The following RFXAP variants were observed in gnomAD, a reference collection of about 807,000 sequenced individuals.
The protein encoded by RFXAP is regulatory factor X-associated protein.
Under a neutral mutation model 25.7 loss-of-function variants are expected in RFXAP, and 21 were observed. That is an observed-to-expected ratio of 0.82 (90% CI 0.58 to 1.18). The LOEUF is 1.18. Ranked by LOEUF, RFXAP falls within the 50% of genes most tolerant of loss-of-function variation. The pLI is 0.00. For synonymous variants in RFXAP, 161 were observed against 152.2 expected, an observed-to-expected ratio of 1.06 and a Z score of -0.43; for missense variants, 333 against 363.0, an observed-to-expected ratio of 0.92 and a Z score of 0.67.
intron 1 of RFXAP, among the ~76,000 whole-genome samples, chr13:36,823,402 G>T (rs914634277): frequency 6.6e-6 from 1 of 152,286 alleles, no homozygotes; most frequent in Admixed American, 6.5e-5. Context: ...GGAAAGATAG[G>T]TTGAAGCCAG....
At chr13:36,821,071 A>G (rs1050331976) in intron 1 of RFXAP, among the ~76,000 whole-genome samples, 1 of 152,032 alleles carries the variant, frequency 6.6e-6, no homozygotes, top group African/African-American at 2.4e-5. Context: ...CAAGCCAGGT[A>G]TGGTGGCAAG....
chr13:36,825,178 T>G (rs946475882), intron 1 of RFXAP, among the ~76,000 whole-genome samples: 9 of 152,150 alleles, frequency 5.9e-5, no homozygotes, highest in Non-Finnish European at 1.0e-4. Context: ...CTATTAATTT[T>G]GAGACCTGCC....
chr13:36,828,301 T>TACA lies in RFXAP; in HGVS notation c.*549_*550insCAA. Reference sequence around the variant, plus strand: ...GGTGCTAACATGTAGTTGGGGCACCTATAATTGGGTTCTCTTAATAACCTT... The same window carrying TACA: ...GGTGCTAACATGTAGTTGGGGCACCTACAATAATTGGGTTCTCTTAATAACCTT... On this transcript the variant is annotated 3_prime_UTR_variant, in exon 3 of 3. Transcript: ENST00000255476. 1 of 153,652 alleles carries TACA rather than the reference T, an allele frequency of 6.5e-6. No homozygotes were observed. The highest frequency in any genetic ancestry group is 1.4e-5 in the Non-Finnish European group (1 of 69,118). 9.5% of individuals were successfully genotyped at this position (153,652 alleles called of 1,614,324 possible).
Position 36,825,440 on chromosome 13 carries a change from A to T in RFXAP, c.613A>T (p.Asn205Tyr). 1 of 1,611,466 alleles carries T rather than the reference A, an allele frequency of 6.2e-7. No homozygotes were observed. Among genetic ancestry groups the T allele is most frequent in the Non-Finnish European group, 8.5e-7 (1 of 1,178,208 alleles). Residue 205 changes from asparagine to tyrosine, a missense_variant, in exon 2 of 3, where the codon AAC becomes TAC. By Grantham distance (143) the Asn-to-Tyr change is moderately radical. Transcript: ENST00000255476. ...TCATTTATCCCAGGAAAGTGCAGAT[A>T]ACATACTCTCCATTGTTAAACAAAG... The part of the protein sequence containing the change: ...GNVKLEESAD[N>Y]ILSIVKQRTG...
chr13:36,819,253 C>G lies in RFXAP; in HGVS notation c.-105C>G, dbSNP rs527311083. 3.5e-6 allele frequency: 4 copies of G among 1,138,806 alleles called. No homozygotes were observed. Among genetic ancestry groups the G allele is most frequent in the South Asian group, 4.5e-5 (1 of 21,994 alleles). 70.5% of individuals were successfully genotyped at this position (1,138,806 alleles called of 1,614,324 possible). A position where few individuals can be genotyped will look rare whatever the true frequency, so the allele number is the denominator to read the frequency against. On this transcript the variant is annotated 5_prime_UTR_variant, in exon 1 of 3. Transcript: ENST00000255476. ...AGTCGGGGCGCCTTCCCGGTATAGG[C>G]GCCTTTTACCCCAGCGTGTCCTGAG...
Position 36,828,006 on chromosome 13 carries a change from TTCC to T in RFXAP, c.*256_*258del. 1 of 431,342 alleles carries T rather than the reference TTCC, an allele frequency of 2.3e-6. No homozygotes were observed. The highest frequency in any genetic ancestry group is 2.8e-5 in the South Asian group (1 of 36,334). The allele number at this position is 431,342 out of a possible 1,614,324, so 26.7% of individuals were successfully genotyped here. ...ATTATAATGTTTTTTAAAAAATATA[TTCC>T]TCTTCAGTCATTGTTACTGAAGGTA... On this transcript the variant is annotated 3_prime_UTR_variant, in exon 3 of 3. Transcript: ENST00000255476.
At position 36,819,495 on chromosome 13, in the gene RFXAP, G is replaced by A; in HGVS notation, c.138G>A (p.Leu46=). ...SVAAAASQFT[L]LVMQPCAGQD... Reference sequence around the variant, plus strand: ...CGGCCGCGGCCTCTCAATTCACCCTGCTAGTGATGCAACCCTGTGCTGGGC... The same window carrying A: ...CGGCCGCGGCCTCTCAATTCACCCTACTAGTGATGCAACCCTGTGCTGGGC... Residue 46 remains leucine (L), a synonymous_variant, in exon 1 of 3, where the codon CTG becomes CTA. Coordinates refer to ENST00000255476, the MANE Select transcript of RFXAP (RefSeq NM_000538.4). 1.9e-6 allele frequency: 3 copies of A among 1,553,798 alleles called. No individual in the cohort carries two copies. The highest frequency in any genetic ancestry group is 1.7e-6 in the Non-Finnish European group (2 of 1,149,172).
Position 36,829,086 on chromosome 13 carries a change from T to G in RFXAP, c.*1333T>G, listed in dbSNP as rs2057987509. ...TTTTAACAAAATTAATTCATTAAAG[T>G]CCAGTTGTTGACCTTTGAGTTAGCT... On this transcript the variant is annotated 3_prime_UTR_variant, in exon 3 of 3. Coordinates refer to ENST00000255476, the MANE Select transcript of RFXAP (RefSeq NM_000538.4). 6.5e-6 allele frequency: 1 copy of G among 152,690 alleles called. No individual in the cohort carries two copies. Among genetic ancestry groups the G allele is most frequent in the African/African-American group, 2.4e-5 (1 of 41,472 alleles). 9.5% of individuals were successfully genotyped at this position (152,690 alleles called of 1,614,324 possible). A position where few individuals can be genotyped will look rare whatever the true frequency, so the allele number is the denominator to read the frequency against.
Position 36,828,769 on chromosome 13 carries a change from T to C in RFXAP, c.*1016T>C, listed in dbSNP as rs147559525. On this transcript the variant is annotated 3_prime_UTR_variant, in exon 3 of 3. Coordinates refer to ENST00000255476, the MANE Select transcript of RFXAP (RefSeq NM_000538.4). ...CTAAGTAATGTTCAAAAATGATAAG[T>C]AATCTGGATACCTTTTTCTTATACT... 3.3e-5 allele frequency: 5 copies of C among 152,346 alleles called. No homozygotes were observed. Among genetic ancestry groups the C allele is most frequent in the African/African-American group, 1.2e-4 (5 of 41,578 alleles). 9.4% of individuals were successfully genotyped at this position (152,346 alleles called of 1,614,324 possible). A position where few individuals can be genotyped will look rare whatever the true frequency, so the allele number is the denominator to read the frequency against.
At chr13:36,825,693 A>T (rs1167203632) in intron 2 of RFXAP, among the ~76,000 whole-genome samples, 158 bp downstream of exon 2, 2 of 152,218 alleles carry the variant, frequency 1.3e-5, no homozygotes, top group Non-Finnish European at 2.9e-5. Flanking sequence ...TCGGAACTTT[A>T]CCTCAAAAAT....
intron 1 of RFXAP, 65 bp downstream of exon 1, chr13:36,820,022 C>G (rs1286057521): frequency 2.5e-6 from 4 of 1,581,368 alleles, no homozygotes; most frequent in Non-Finnish European, 3.4e-6. Flanking sequence ...TAACGCAAAC[C>G]GCATCTGCAG....
At position 36,825,426 on chromosome 13, in the gene RFXAP, A is replaced by T. The variant is rs2057974972; in HGVS notation, c.601-2A>T. On this transcript the variant is annotated splice_acceptor_variant, in intron 1 of 2. Coordinates refer to ENST00000255476, the MANE Select transcript of RFXAP (RefSeq NM_000538.4). LOFTEE classifies it high-confidence loss of function. Reference sequence around the variant, plus strand: ...TATTTGCATTTTTATCATTTATCCCAGGAAAGTGCAGATAACATACTCTCC... The same window carrying T: ...TATTTGCATTTTTATCATTTATCCCTGGAAAGTGCAGATAACATACTCTCC... 6.2e-7 allele frequency: 1 copy of T among 1,604,562 alleles called. No homozygotes were observed. The highest frequency in any genetic ancestry group is 8.5e-7 in the Non-Finnish European group (1 of 1,172,196).
intron 1 of RFXAP, among the ~76,000 whole-genome samples, chr13:36,820,527 G>T (rs2057958630): frequency 6.6e-6 from 1 of 152,098 alleles, no homozygotes; most frequent in East Asian, 1.9e-4. Flanking sequence ...TTACAACTCT[G>T]TTCCCAGTAC....
chr13:36,819,533 C>T lies in RFXAP; in HGVS notation c.176C>T (p.Ala59Val), dbSNP rs201955005. The T allele has an allele frequency of 3.3e-6, 5 of 1,525,346 alleles. No homozygotes were observed. Among genetic ancestry groups the T allele is most frequent in the East Asian group, 2.4e-5 (1 of 41,464 alleles). 94.5% of individuals were successfully genotyped at this position (1,525,346 alleles called of 1,614,324 possible). The change falls in exon 1 of 3, where the codon GCG (alanine) becomes GTG (valine). Residue 59 changes from alanine to valine, a missense_variant. Coordinates refer to ENST00000255476, the MANE Select transcript of RFXAP (RefSeq NM_000538.4). ...MQPCAGQDEA[A>V]APGGSVGAGK... ...CCCTGTGCTGGGCAGGACGAGGCTG[C>T]GGCCCCCGGGGGCAGCGTTGGGGCG...
Position 36,819,338 on chromosome 13 carries a change from C to T in RFXAP, c.-20C>T. The stretch of plus-strand genomic sequence containing the variant: ...GTGCTAAAAGCCCGGGGTCGTGGAC[C>T]CCGGCCAGGTCTTAGCAGCATGGAG... On this transcript the variant is annotated 5_prime_UTR_variant, in exon 1 of 3. Transcript: ENST00000255476. 2 of 1,251,818 alleles carry T rather than the reference C, an allele frequency of 1.6e-6. No individual in the cohort carries two copies. The highest frequency in any genetic ancestry group is 1.0e-6 in the Non-Finnish European group (1 of 994,952). The allele number at this position is 1,251,818 out of a possible 1,614,324, so 77.5% of individuals were successfully genotyped here.
In RFXAP at chr13:36,827,827, A is replaced by G. The variant is rs573821318; in HGVS notation, c.*74A>G. 8.8e-7 allele frequency: 1 copy of G among 1,130,024 alleles called. No homozygotes were observed. The highest frequency in any genetic ancestry group is 1.5e-5 in the African/African-American group (1 of 64,638). 70.0% of individuals were successfully genotyped at this position (1,130,024 alleles called of 1,614,324 possible). On this transcript the variant is annotated 3_prime_UTR_variant, in exon 3 of 3. Transcript: ENST00000255476. ...ATGAGCATATTTTTTTACCAGACAT[A>G]AATGGGGTAATAATCTATGCCTGTA... is the stretch of plus-strand genomic sequence containing the variant.
At chr13:36,825,380 T>G (rs2057974734) in intron 1 of RFXAP, 48 bp from the exon 2 acceptor site, 1 of 1,315,224 alleles carries the variant, frequency 7.6e-7, no homozygotes, top group Admixed American at 1.7e-5. Flanking sequence ...TAATCATGAC[T>G]TATTACGTTA....
At position 36,825,523 on chromosome 13, in the gene RFXAP, T is replaced by C; in HGVS notation, c.696T>C (p.Asn232=). The change falls in exon 2 of 3, where the codon AAT becomes AAC. Residue 232 remains asparagine (N), a synonymous_variant. Transcript: ENST00000255476. ...CTACTCTTTTAGAACAAGTGTTAAATCAAAAAAGACTGGTAAATATCTGTT... is the reference window on the plus strand; with the variant it reads ...CTACTCTTTTAGAACAAGTGTTAAACCAAAAAAGACTGGTAAATATCTGTT... ...ARPTLLEQVL[N]QKRLSLLRSP... is the part of the protein sequence containing the mutation. 1 of 1,606,272 alleles carries C rather than the reference T, an allele frequency of 6.2e-7. No homozygotes were observed. The highest frequency in any genetic ancestry group is 2.2e-5 in the East Asian group (1 of 44,764).
chr13:36,824,398 T>C (rs2057971780), intron 1 of RFXAP, among the ~76,000 whole-genome samples: 1 of 152,158 alleles, frequency 6.6e-6, no homozygotes, highest in Non-Finnish European at 1.5e-5. Context: ...TTTTGTAATA[T>C]CAGGTTGGTA....
Sources: allele counts gnomAD v4.1 joint callset (sites outside exome capture counted in the v4.1 genomes callset), GRCh38; gene constraint gnomAD v4.1.1; transcripts MANE v1.5; gene names NCBI Gene and HGNC (gene_info 2026-07-23, HGNC 2026-07-21).